INSYN2B: variants seen among roughly 807,000 people sequenced by gnomAD.
INSYN2B encodes the protein protein INSYN2B.
INSYN2B carries 16 observed loss-of-function variants against 41.2 expected under a neutral mutation model. That is an observed-to-expected ratio of 0.39 (90% CI 0.26 to 0.59). The LOEUF is 0.59. Among genes scored for constraint, INSYN2B ranks in the 20% least tolerant of loss-of-function variants. The pLI is 0.57. For missense variants in INSYN2B, 608 were observed against 646.4 expected, an observed-to-expected ratio of 0.94 and a Z score of 0.64; for synonymous variants, 245 against 244.4, an observed-to-expected ratio of 1.00 and a Z score of -0.02.
At chr5:169,871,655 A>T (rs937538830) in intron 3 of INSYN2B, among the ~76,000 whole-genome samples, 1 of 152,216 alleles carries the variant, frequency 6.6e-6, no homozygotes, top group East Asian at 1.9e-4. Flanking sequence ...CTGAAATAAC[A>T]TAGTAATCTG....
At chr5:169,878,365 A>G (rs999336768) in intron 3 of INSYN2B, among the ~76,000 whole-genome samples, 2 of 152,272 alleles carry the variant, frequency 1.3e-5, no homozygotes, top group Non-Finnish European at 1.5e-5. Context: ...ATTTAAAAAC[A>G]TGTTTTATGT....
chr5:169,939,827 C>T (rs1776161360), intron 1 of INSYN2B, among the ~76,000 whole-genome samples: 1 of 152,226 alleles, frequency 6.6e-6, no homozygotes. Flanking sequence ...CTAGAGTTAG[C>T]TCCTTCTCTG....
intron 1 of INSYN2B, among the ~76,000 whole-genome samples, chr5:169,943,843 G>C (rs777846527): frequency 2.6e-5 from 4 of 152,182 alleles, no homozygotes; most frequent in Non-Finnish European, 5.9e-5. Context: ...TTAAGTTTGA[G>C]AATCCTTACC....
chr5:169,940,494 T>G (rs1776196412), intron 1 of INSYN2B, among the ~76,000 whole-genome samples: 1 of 152,220 alleles, frequency 6.6e-6, no homozygotes, highest in African/African-American at 2.4e-5. Context: ...TATTATATTT[T>G]AATTTATAAT....
rs867573598 is a variant in INSYN2B, at chr5:169,883,117, G to A, written c.782C>T (p.Ala261Val). Reference protein sequence around the residue: ...DSEKSTSCLNATSVASHTPGT... With the variant: ...DSEKSTSCLNVTSVASHTPGT... ...TGGTGTGTGGCTGGCAACGCTGGTG[G>A]CATTTAAGCAGGAGGTGGATTTTTC... Residue 261 changes from alanine to valine, a missense_variant, in exon 2 of 4, where the codon GCC becomes GTC. By Grantham distance (64) the Ala-to-Val change is moderately conservative (BLOSUM62 0). Transcript: ENST00000377365. 1.3e-6 allele frequency: 2 copies of A among 1,551,624 alleles called. No individual in the cohort carries two copies.
intron 1 of INSYN2B, among the ~76,000 whole-genome samples, chr5:169,934,444 A>C (rs1775894743): frequency 6.6e-6 from 1 of 152,176 alleles, no homozygotes; most frequent in Admixed American, 6.5e-5. Flanking sequence ...GGGTGTCCCC[A>C]GTGCCCACAC....
chr5:169,960,518 G>T (rs1006969863), intron 1 of INSYN2B, among the ~76,000 whole-genome samples: 1 of 152,194 alleles, frequency 6.6e-6, no homozygotes, highest in Non-Finnish European at 1.5e-5. Context: ...GAAAATTATT[G>T]ATTAGAAAGA....
intron 1 of INSYN2B, among the ~76,000 whole-genome samples, chr5:169,911,581 A>G (rs1397305906): frequency 6.6e-6 from 1 of 152,226 alleles, no homozygotes; most frequent in African/African-American, 2.4e-5. Context: ...TTATGAGGAC[A>G]TAATACCCTT....
At chr5:169,925,363 C>T (rs968725947) in intron 1 of INSYN2B, among the ~76,000 whole-genome samples, 11 of 152,204 alleles carry the variant, frequency 7.2e-5, no homozygotes, top group African/African-American at 2.6e-4. Context: ...GGGCAGATCA[C>T]AAGGTCAGGC....
At chr5:169,886,190 T>C (rs566085446) in intron 1 of INSYN2B, among the ~76,000 whole-genome samples, 1 of 152,276 alleles carries the variant, frequency 6.6e-6, no homozygotes, top group South Asian at 2.1e-4. Context: ...GAGAACAAAA[T>C]GAGCCATCCT....
intron 1 of INSYN2B, among the ~76,000 whole-genome samples, chr5:169,912,338 G>T (rs1774643009): frequency 6.6e-6 from 1 of 152,158 alleles, no homozygotes; most frequent in Non-Finnish European, 1.5e-5. Flanking sequence ...GGGTTCCTTG[G>T]TTGAAGGGTG....
At chr5:169,936,898 C>G (rs1776025167) in intron 1 of INSYN2B, among the ~76,000 whole-genome samples, 1 of 152,232 alleles carries the variant, frequency 6.6e-6, no homozygotes, top group Non-Finnish European at 1.5e-5. Context: ...GAGCCAGACA[C>G]TTAATAATTC....
intron 1 of INSYN2B, among the ~76,000 whole-genome samples, chr5:169,921,366 C>A (rs765380322): frequency 6.6e-6 from 1 of 152,168 alleles, no homozygotes; most frequent in South Asian, 2.1e-4. Context: ...ATTGTTCTTT[C>A]TCAGCATAGG....
At chr5:169,921,950 G>T (rs199775104) in intron 1 of INSYN2B, among the ~76,000 whole-genome samples, 2 of 152,202 alleles carry the variant, frequency 1.3e-5, no homozygotes, top group Non-Finnish European at 1.5e-5. Context: ...CTCCAGAGAG[G>T]TTGGAGGAGA....
intron 1 of INSYN2B, among the ~76,000 whole-genome samples, chr5:169,970,443 A>G (rs1777462126): frequency 6.6e-6 from 1 of 152,238 alleles, no homozygotes; most frequent in Non-Finnish European, 1.5e-5. Flanking sequence ...CTTTGTTTGT[A>G]GGAAACTTGG....
intron 1 of INSYN2B, among the ~76,000 whole-genome samples, chr5:169,978,288 T>G (rs949704562): frequency 6.7e-6 from 1 of 149,338 alleles, no homozygotes; most frequent in African/African-American, 2.5e-5. Flanking sequence ...CCCTCGCCCC[T>G]ATTTTGTTTG....
At chr5:169,874,167 C>T (rs1231384395) in intron 3 of INSYN2B, among the ~76,000 whole-genome samples, 1 of 152,084 alleles carries the variant, frequency 6.6e-6, no homozygotes, top group Admixed American at 6.5e-5. Flanking sequence ...AATCCCAACA[C>T]TTTGGGAGGC....
chr5:169,944,130 T>C (rs918373397), intron 1 of INSYN2B, among the ~76,000 whole-genome samples: 1 of 152,190 alleles, frequency 6.6e-6, no homozygotes, highest in African/African-American at 2.4e-5. Context: ...CTTTGAGGAC[T>C]GATTTTATGG....
At chr5:169,898,204 C>A (rs1773718119) in intron 1 of INSYN2B, among the ~76,000 whole-genome samples, 1 of 152,132 alleles carries the variant, frequency 6.6e-6, no homozygotes, top group Non-Finnish European at 1.5e-5. Context: ...GTCCCTGGGG[C>A]TCCCACAGCT....
Sources: allele counts gnomAD v4.1 joint callset (sites outside exome capture counted in the v4.1 genomes callset), GRCh38; gene constraint gnomAD v4.1.1; transcripts MANE v1.5; gene names NCBI Gene and HGNC (gene_info 2026-07-23, HGNC 2026-07-21).